Variants in DHRSX observed in about 807,000 individuals in gnomAD.
DHRSX encodes the protein polyprenol dehydrogenase.
Under a neutral mutation model 34.0 loss-of-function variants are expected in DHRSX, and 31 were observed. The ratio of observed to expected loss-of-function variants is 0.91; its 90% CI spans 0.69 to 1.23. The LOEUF (loss-of-function observed/expected upper bound fraction) is 1.23. DHRSX is among the 50% of genes most tolerant of loss of function. The probability of loss-of-function intolerance (pLI) is 0.00; values close to 1 mark genes in which losing one functional copy is unlikely to be tolerated. For missense variants in DHRSX, 414 were observed against 428.1 expected (o/e 0.97, Z 0.29); for synonymous variants, 201 against 183.8 (o/e 1.09, Z -0.76).
intron 4 of DHRSX, among the ~76,000 whole-genome samples, chrX:2,272,139 A>G (rs1399014339): frequency 1.3e-5 from 2 of 152,194 alleles, no homozygotes; most frequent in Non-Finnish European, 2.9e-5. Context: ...CAAAAACAAA[A>G]AAAAACCAAC....
At chrX:2,230,523 G>A (rs2015852470) in intron 6 of DHRSX, among the ~76,000 whole-genome samples, 1 of 152,198 alleles carries the variant, frequency 6.6e-6, no homozygotes, top group African/African-American at 2.4e-5. Context: ...GTATCAATTG[G>A]CTGGGCTATG....
chrX:2,488,679 C>T (rs781624072), intron 1 of DHRSX: 28 of 1,612,396 alleles, frequency 1.7e-5, no homozygotes, highest in Admixed American at 6.7e-5. Context: ...CCGCCGCTGA[C>T]GCCATCCCCC....
At chrX:2,469,461 C>T (rs1156593269) in intron 1 of DHRSX, among the ~76,000 whole-genome samples, 5 of 151,474 alleles carry the variant, frequency 3.3e-5, no homozygotes, top group Admixed American at 1.3e-4. Flanking sequence ...GCCAAGGGAC[C>T]GCCACCCTAT....
intron 1 of DHRSX, among the ~76,000 whole-genome samples, chrX:2,431,910 A>G (rs1244110992): frequency 6.6e-6 from 1 of 152,138 alleles, no homozygotes; most frequent in African/African-American, 2.4e-5. Context: ...ATAGAAGTTG[A>G]GGCCAGATGC....
In DHRSX at chrX:2,402,230, C is replaced by A. The variant is rs766676279; in HGVS notation, c.286+6515G>T. Among the ~76,000 whole-genome samples the A allele has an allele frequency of 5.4e-4, 82 of 152,310 alleles. 1 individual carries two copies. Among genetic ancestry groups the A allele is most frequent in the African/African-American group, 1.9e-3 (77 of 41,580 alleles). ...TGGCTGAACCGGGGTTACCCGATGC[C>A]GGGATCCCAGCAGAGCAAGAACGAA... On this transcript the variant is annotated intron_variant, in intron 3 of 6. Coordinates refer to ENST00000334651, the MANE Select transcript of DHRSX (RefSeq NM_145177.3).
At chrX:2,424,631 A>T (rs1001726405) in intron 2 of DHRSX, among the ~76,000 whole-genome samples, 52 of 152,126 alleles carry the variant, frequency 3.4e-4, no homozygotes, top group African/African-American at 1.3e-3. Context: ...ATATATGGTT[A>T]TTTTTTTCCA....
intron 3 of DHRSX, among the ~76,000 whole-genome samples, chrX:2,352,562 C>T (rs185571480): frequency 2.1e-4 from 32 of 152,264 alleles, no homozygotes; most frequent in African/African-American, 6.0e-4. Flanking sequence ...GCAGGATCAA[C>T]GCACAGTGTT....
intron 6 of DHRSX, among the ~76,000 whole-genome samples, chrX:2,224,783 T>C (rs1019633338): frequency 1.7e-4 from 26 of 151,856 alleles, no homozygotes; most frequent in African/African-American, 6.3e-4. Context: ...CTCATTCACA[T>C]GCACACATGC....
chrX:2,256,983 T>C (rs1415933835), intron 5 of DHRSX, among the ~76,000 whole-genome samples: 1 of 152,172 alleles, frequency 6.6e-6, no homozygotes, highest in African/African-American at 2.4e-5. Flanking sequence ...AGAATCTTGC[T>C]TTGCAGCCCA....
chrX:2,276,391 A>C (rs1433051387), intron 4 of DHRSX, among the ~76,000 whole-genome samples: 1 of 152,244 alleles, frequency 6.6e-6, no homozygotes, highest in Non-Finnish European at 1.5e-5. Flanking sequence ...AATACACAAT[A>C]GAACTATCGT....
intron 1 of DHRSX, among the ~76,000 whole-genome samples, chrX:2,484,787 C>T (rs1051062880): frequency 1.2e-4 from 18 of 152,200 alleles, no homozygotes; most frequent in African/African-American, 2.6e-4. Flanking sequence ...ATCTGAGACT[C>T]GCAGAAGGCG....
intron 3 of DHRSX, among the ~76,000 whole-genome samples, chrX:2,320,545 C>A (rs77857724): frequency 2.0e-5 from 1 of 51,108 alleles, no homozygotes; most frequent in African/African-American, 8.7e-5. Flanking sequence ...ATCTGCCCAC[C>A]TTGGCTTCCC....
chrX:2,455,052 C>T (rs1268018175), intron 1 of DHRSX, among the ~76,000 whole-genome samples: 3 of 149,730 alleles, frequency 2.0e-5, no homozygotes, highest in East Asian at 1.9e-4. Context: ...CCAGAGGTTG[C>T]GGTGAGTCAA....
intron 5 of DHRSX, among the ~76,000 whole-genome samples, chrX:2,248,160 A>G (rs1414822960): frequency 2.6e-5 from 4 of 151,922 alleles, no homozygotes; most frequent in African/African-American, 4.8e-5. Flanking sequence ...TAGGCCGGGC[A>G]CGGTGGCTCA....
chrX:2,421,431 C>T (rs1386052562), intron 2 of DHRSX, among the ~76,000 whole-genome samples: 1 of 152,096 alleles, frequency 6.6e-6, no homozygotes, highest in Non-Finnish European at 1.5e-5. Context: ...TCAAGTTTTG[C>T]ATTCATGTTT....
rs573411847 is a variant in DHRSX, at chrX:2,304,521, T to A, written c.287-12918A>T. On this transcript the variant is annotated intron_variant, in intron 3 of 6. Coordinates refer to ENST00000334651, the MANE Select transcript of DHRSX (RefSeq NM_145177.3). ...ATGTCTCAGGAATAGTTTAGTGCCA[T>A]CCCCTGGGTGCTGTGCTTGCAATAG... 2.0e-5 allele frequency among the ~76,000 whole-genome samples: 3 copies of A among 152,052 alleles called. No individual in the cohort carries two copies. In the South Asian group the frequency reaches 6.2e-4, roughly 32 times the overall value.
chrX:2,454,031 T>A (rs1439735873), intron 1 of DHRSX, among the ~76,000 whole-genome samples: 1 of 152,206 alleles, frequency 6.6e-6, no homozygotes, highest in Non-Finnish European at 1.5e-5. Context: ...TATATATGTA[T>A]ACAATTATTT....
In DHRSX at chrX:2,498,887, C is replaced by A. The variant is rs752916521; in HGVS notation, c.109+1930G>T. On this transcript the variant is annotated intron_variant, in intron 1 of 6. Coordinates refer to ENST00000334651, the MANE Select transcript of DHRSX (RefSeq NM_145177.3). ...TGATTACTTACTTCAAACAAACATG[C>A]TCTCCTGCCCTCCGAAAGCCTGACT... 5.3e-5 allele frequency among the ~76,000 whole-genome samples: 8 copies of A among 152,276 alleles called. No individual in the cohort carries two copies. The South Asian group carries it at 1.7e-3, about 32-fold the overall frequency.
chrX:2,360,871 T>C (rs1316364346), intron 3 of DHRSX, among the ~76,000 whole-genome samples: 3 of 151,998 alleles, frequency 2.0e-5, no homozygotes, highest in Admixed American at 6.6e-5. Context: ...ATGTCACGGT[T>C]GAATGACTAA....
Sources: allele counts gnomAD v4.1 joint callset (sites outside exome capture counted in the v4.1 genomes callset), GRCh38; gene constraint gnomAD v4.1.1; transcripts MANE v1.5; gene names NCBI Gene and HGNC (gene_info 2026-07-23, HGNC 2026-07-21).